Variants in PLEKHA6 observed in about 807,000 individuals in gnomAD.
PLEKHA6 encodes pleckstrin homology domain-containing family A member 6.
A neutral mutation model predicts 116.7 loss-of-function variants in PLEKHA6; 60 were observed. The ratio of observed to expected loss-of-function variants is 0.51; its 90% confidence interval spans 0.42 to 0.64. The LOEUF is 0.64. Among genes scored for constraint, PLEKHA6 ranks in the 30% least tolerant of loss-of-function variants. PLEKHA6 has a pLI of 0.00. For synonymous variants in PLEKHA6, 489 were observed against 556.1 expected, an observed-to-expected ratio of 0.88 and a Z score of 1.70; for missense variants, 1,338 against 1,422.7, an observed-to-expected ratio of 0.94 and a Z score of 0.96.
At position 204,228,636 on chromosome 1, in the gene PLEKHA6, G is replaced by C; in HGVS notation, c.2885+92C>G. 1 of 1,181,306 alleles carries C rather than the reference G, an allele frequency of 8.5e-7. No homozygotes were observed. Among genetic ancestry groups the C allele is most frequent in the Non-Finnish European group, 1.3e-6 (1 of 795,304 alleles). The allele number at this position is 1,181,306 out of a possible 1,614,324, so 73.2% of individuals were successfully genotyped here. A position where few individuals can be genotyped will look rare whatever the true frequency, so the allele number is the denominator to read the frequency against. ...ACCACCTCGATGTGCTCTCCCCTGG[G>C]GAGGCTCTGTGCCCCCAACGACTTC... On this transcript the variant is annotated intron_variant, in intron 20 of 22. Transcript: ENST00000272203. This position sits in a 1 kb window ranked among gnomAD's most constrained non-coding sequence, Gnocchi z 4.0.
chr1:204,239,952 C>T (rs1396746013), intron 17 of PLEKHA6, among the ~76,000 whole-genome samples: 4 of 152,156 alleles, frequency 2.6e-5, no homozygotes, highest in Admixed American at 2.6e-4. Context: ...GCCTACGGGT[C>T]TTCGTTCCAG....
chr1:204,328,857 A>G (rs947813933), intron 1 of PLEKHA6, among the ~76,000 whole-genome samples: 3 of 152,194 alleles, frequency 2.0e-5, no homozygotes, highest in Non-Finnish European at 4.4e-5. Context: ...TGTTTATATC[A>G]TCTCACTTAA....
chr1:204,230,584 T>C lies in PLEKHA6; in HGVS notation c.2412A>G (p.Glu804=). The change falls in exon 18 of 23, where the codon GAA becomes GAG. Residue 804 remains glutamate, a splice_region_variant and synonymous_variant. Coordinates refer to ENST00000272203, the MANE Select transcript of PLEKHA6 (RefSeq NM_014935.5). ...SGLTNGLSSQ[E]RPKSAVFPGE... ...CAGGAAACACAGCACTCTTGGGGCG[T>C]TCCTGCTGCCATGGGAAAACAGGGC... 6.3e-7 allele frequency: 1 copy of C among 1,599,004 alleles called. No individual in the cohort carries two copies. The highest frequency in any genetic ancestry group is 1.1e-5 in the South Asian group (1 of 88,032).
intron 1 of PLEKHA6, chr1:204,309,621 C>T: frequency 2.3e-6 from 1 of 441,742 alleles, no homozygotes; most frequent in Non-Finnish European, 3.0e-6. Flanking sequence ...TGACAACAAA[C>T]TTGCCTAAAA....
rs1311417583 is a variant in PLEKHA6 at position 204,228,151 on chromosome 1, T to C, written c.2963A>G (p.Gln988Arg). The change falls in exon 21 of 23, where the codon CAG (glutamine) becomes CGG (arginine). Residue 988 changes from glutamine to arginine, a missense_variant. Physicochemically the swap from Gln to Arg is conservative, Grantham distance 43. This residue lies in a region of PLEKHA6 where 1,136 missense variants were observed against 1,163.6 expected (regional missense o/e 0.98). Coordinates refer to ENST00000272203, the MANE Select transcript of PLEKHA6 (RefSeq NM_014935.5). The surrounding 1 kb of genome is among the most constrained non-coding windows in gnomAD (Gnocchi z 4.0). ...GCAGGAGATTTCAATCCGCTTCTCC[T>C]GCTCCTGCAGCTGGCTCTCTGAGTC... is the stretch of plus-strand genomic sequence containing the variant. ...PQDSESQLQE[Q>R]EKRIEISCAL... 6 of 1,613,340 alleles carry C rather than the reference T, an allele frequency of 3.7e-6. No homozygotes were observed. The highest frequency in any genetic ancestry group is 5.1e-6 in the Non-Finnish European group (6 of 1,179,588).
chr1:204,249,059 C>G, intron 11 of PLEKHA6, 89 bp from the exon 12 acceptor site: 1 of 1,512,026 alleles, frequency 6.6e-7, no homozygotes, highest in Non-Finnish European at 9.1e-7. Flanking sequence ...AGAGGTTCAA[C>G]AGGCAGCTGA....
At chr1:204,358,754 C>T (rs1190852980) in intron 1 of PLEKHA6, among the ~76,000 whole-genome samples, 1 of 152,090 alleles carries the variant, frequency 6.6e-6, no homozygotes, top group Non-Finnish European at 1.5e-5. Context: ...TCCCTCCCCA[C>T]CCCTGTGCCC....
In PLEKHA6 at chr1:204,308,687, CT is replaced by C. The variant is rs60251937; in HGVS notation, c.-94-33879del. On this transcript the variant is annotated intron_variant, in intron 1 of 22. Transcript: ENST00000272203. ...CAAGAAGGTAATTCTTTTTCTTTTT[CT>C]TTTTTTTTTTTTTTTTTTTTGAGAC... Among the ~76,000 whole-genome samples, 337 of 81,412 alleles carry C rather than the reference CT, an allele frequency of 4.1e-3. 4 individuals are homozygous for C. The Admixed American group carries it at 0.045, about 11-fold the overall frequency. The allele number at this position is 81,412 out of a possible 152,430, so 53.4% of individuals were successfully genotyped here. A position where few individuals can be genotyped will look rare whatever the true frequency, so the allele number is the denominator to read the frequency against.
intron 10 of PLEKHA6, among the ~76,000 whole-genome samples, chr1:204,250,071 C>T (rs1033232096): frequency 2.6e-5 from 4 of 152,206 alleles, no homozygotes; most frequent in South Asian, 2.1e-4. Context: ...ACATGAATAC[C>T]GTGTTGCCAC....
chr1:204,366,716 G>A (rs183161982), intron 3 of PLEKHA6, among the ~76,000 whole-genome samples: 1 of 152,142 alleles, frequency 6.6e-6, no homozygotes, highest in Non-Finnish European at 1.5e-5. Context: ...AACTGAGATC[G>A]CACCACTGCA....
In PLEKHA6 at chr1:204,257,011, G is replaced by C. The variant is rs1049640128; in HGVS notation, c.1524+342C>G. 2 of 580,722 alleles carry C rather than the reference G, an allele frequency of 3.4e-6. No individual in the cohort carries two copies. Among genetic ancestry groups the C allele is most frequent in the African/African-American group, 3.7e-5 (2 of 53,418 alleles). 36.0% of individuals were successfully genotyped at this position (580,722 alleles called of 1,614,324 possible). ...CCAGAGCAGATCCCAAACTGAAATG[G>C]ACAGCAGCCCCCCTTGCAATGATCT... is the stretch of plus-strand genomic sequence containing the variant. On this transcript the variant is annotated intron_variant, in intron 9 of 22. Coordinates refer to ENST00000272203, the MANE Select transcript of PLEKHA6 (RefSeq NM_014935.5). The surrounding 1 kb of genome is among the most constrained non-coding windows in gnomAD (Gnocchi z 6.5).
intron 12 of PLEKHA6, among the ~76,000 whole-genome samples, chr1:204,248,355 T>C (rs1189268719): frequency 6.6e-6 from 1 of 152,112 alleles, no homozygotes; most frequent in Non-Finnish European, 1.5e-5. Context: ...GGTTTCTCCA[T>C]GTAGGTCAGG....
rs1663547555 is a variant in PLEKHA6 at position 204,245,637 on chromosome 1, G to C, written c.2010C>G (p.Gly670=). 1.9e-6 allele frequency: 3 copies of C among 1,611,840 alleles called. No homozygotes were observed. The highest frequency in any genetic ancestry group is 2.5e-6 in the Non-Finnish European group (3 of 1,178,178). Residue 670 remains glycine (G), a synonymous_variant, in exon 14 of 23, where the codon GGC becomes GGG. Coordinates refer to ENST00000272203, the MANE Select transcript of PLEKHA6 (RefSeq NM_014935.5). ...CACCTCTGTGCTTGGCGGTGTCCGT[G>C]CCCCGGGAGGGGTTGTTCTTCCTCA... is the stretch of plus-strand genomic sequence containing the variant. ...EGLRKNNPSR[G]TDTAKHRGGL... is the part of the protein sequence containing the mutation.
chr1:204,226,336 C>T (rs906601734), intron 21 of PLEKHA6, among the ~76,000 whole-genome samples: 3 of 152,190 alleles, frequency 2.0e-5, no homozygotes, highest in Admixed American at 1.3e-4. Context: ...TGTATCAAGA[C>T]GGAAATCGGA....
intron 1 of PLEKHA6, among the ~76,000 whole-genome samples, chr1:204,358,162 G>A (rs1383257844): frequency 1.3e-5 from 2 of 152,198 alleles, no homozygotes; most frequent in African/African-American, 4.8e-5. Flanking sequence ...GCCGCTGATT[G>A]GAAAACCAAT....
intron 1 of PLEKHA6, chr1:204,282,621 C>T: frequency 1.0e-6 from 1 of 982,618 alleles, no homozygotes. Context: ...TTCCCGGGTA[C>T]AGCCAGTCCT....
Position 204,355,176 on chromosome 1 carries a change from C to T in PLEKHA6, c.-95+4518G>A, listed in dbSNP as rs149212334. On this transcript the variant is annotated intron_variant, in intron 1 of 22. Coordinates refer to ENST00000272203, the MANE Select transcript of PLEKHA6 (RefSeq NM_014935.5). ...GGAGAGAGACGATTATACCTGTCTT[C>T]AGATATCTATGTTTCTCATGCAAAT... is the stretch of plus-strand genomic sequence containing the variant. Among the ~76,000 whole-genome samples the T allele has an allele frequency of 4.3e-3, 652 of 152,334 alleles. 1 individual carries two copies. The highest frequency in any genetic ancestry group is 7.6e-3 in the Non-Finnish European group (515 of 68,034).
Position 204,228,739 on chromosome 1 carries a change from A to C in PLEKHA6, c.2874T>G (p.Ile958Met). 1.9e-6 allele frequency: 3 copies of C among 1,614,014 alleles called. No homozygotes were observed. Among genetic ancestry groups the C allele is most frequent in the Non-Finnish European group, 1.7e-6 (2 of 1,179,916 alleles). The change falls in exon 20 of 23, where the codon ATT becomes ATG. Residue 958 changes from isoleucine (I) to methionine (M), a missense_variant. This residue lies in a region of PLEKHA6 where 1,136 missense variants were observed against 1,163.6 expected (regional missense o/e 0.98). Coordinates refer to ENST00000272203, the MANE Select transcript of PLEKHA6 (RefSeq NM_014935.5). The surrounding 1 kb of genome is among the most constrained non-coding windows in gnomAD (Gnocchi z 4.0). ...QKKVERIKTL[I>M]AKSSMQNVVP... The stretch of plus-strand genomic sequence containing the variant: ...CCCAGGCTGGTTACCTGGATTTGGC[A>C]ATGAGTGTCTTGATCCTCTCCACCT...
At chr1:204,332,703 A>G (rs1672500843) in intron 1 of PLEKHA6, among the ~76,000 whole-genome samples, 1 of 152,112 alleles carries the variant, frequency 6.6e-6, no homozygotes, top group Non-Finnish European at 1.5e-5. Context: ...TTAGGCACTA[A>G]GGAAACAGGC....
Sources: gnomAD v4.1 joint callset for allele counts (sites outside exome capture counted in the v4.1 genomes callset) on GRCh38, gnomAD v4.1.1 for gene constraint, gnomAD v4.1.1 regional missense constraint, Gnocchi (gnomAD v3.1) non-coding constraint, MANE v1.5 for transcripts, NCBI Gene and HGNC (gene_info 2026-07-23, HGNC 2026-07-21) for gene names.